ALK: variants seen among roughly 807,000 people sequenced by gnomAD.
ALK encodes ALK receptor tyrosine kinase.
ALK carries 74 observed loss-of-function variants against 163.1 expected under a neutral mutation model. The ratio of observed to expected loss-of-function variants is 0.45; its 90% CI spans 0.38 to 0.55. The LOEUF (loss-of-function observed/expected upper bound fraction) is 0.55. Ranked by LOEUF, ALK falls within the 20% of genes least tolerant of loss-of-function variation. The probability of loss-of-function intolerance (pLI) is 0.00; values close to 1 mark genes in which losing one functional copy is unlikely to be tolerated. For missense variants in ALK, 2,063 were observed against 2,105.3 expected (o/e 0.98, Z 0.39); for synonymous variants, 960 against 843.2 (o/e 1.14, Z -2.40).
intron 1 of ALK, among the ~76,000 whole-genome samples, chr2:29,819,847 C>G (rs1664998822): frequency 6.6e-6 from 1 of 152,182 alleles, no homozygotes; most frequent in South Asian, 2.1e-4. Context: ...TCCACATTCC[C>G]CAATCCATGA....
chr2:29,836,811 G>A (rs1368251371), intron 1 of ALK, among the ~76,000 whole-genome samples: 2 of 152,208 alleles, frequency 1.3e-5, no homozygotes, highest in Non-Finnish European at 2.9e-5. Context: ...TTAATATGGA[G>A]CTCTTAGGTA....
intron 4 of ALK, among the ~76,000 whole-genome samples, chr2:29,423,925 A>C (rs1296835840): frequency 6.6e-6 from 1 of 152,214 alleles, no homozygotes; most frequent in African/African-American, 2.4e-5. Context: ...TTCTTTGACC[A>C]GCAGACTCCC....
Position 29,275,163 on chromosome 2 carries a change from G to C in ALK, c.1977C>G (p.Asn659Lys), listed in dbSNP as rs780562062. Reference protein sequence around the residue: ...APKSRNLFERNPNKELKPGEN... With the variant: ...APKSRNLFERKPNKELKPGEN... ...CCCCGGGTTTCAGCTCCTTGTTTGG[G>C]TTTCTCTCAAACAGGTTTCTTGATT... Residue 659 changes from asparagine to lysine, a missense_variant, in exon 11 of 29, where the codon AAC (asparagine) becomes AAG (lysine). By Grantham distance (94) the Asn-to-Lys change is moderately conservative. Transcript: ENST00000389048. The C allele has an allele frequency of 9.3e-6, 15 of 1,614,022 alleles. No homozygotes were observed. The highest frequency in any genetic ancestry group is 1.2e-5 in the Non-Finnish European group (14 of 1,180,026).
chr2:29,330,271 C>T (rs995803815), intron 5 of ALK, among the ~76,000 whole-genome samples: 1 of 152,128 alleles, frequency 6.6e-6, no homozygotes, highest in African/African-American at 2.4e-5. Context: ...TCCCAGAGGG[C>T]GATGAACATG....
chr2:29,739,749 T>A (rs913383266), intron 1 of ALK, among the ~76,000 whole-genome samples: 1 of 152,108 alleles, frequency 6.6e-6, no homozygotes, highest in Non-Finnish European at 1.5e-5. Context: ...AAAGATTTTA[T>A]GAGATGTGTA....
intron 1 of ALK, among the ~76,000 whole-genome samples, chr2:29,910,552 T>C (rs1211846911): frequency 3.3e-5 from 5 of 152,202 alleles, no homozygotes; most frequent in African/African-American, 1.2e-4. Flanking sequence ...ACATCATTAA[T>C]CAAATTTCTA....
chr2:29,403,239 A>T (rs1669493163), intron 4 of ALK, among the ~76,000 whole-genome samples: 1 of 152,212 alleles, frequency 6.6e-6, no homozygotes, highest in Non-Finnish European at 1.5e-5. Context: ...GCCAAAGGCC[A>T]AAGCGGAATC....
chr2:29,653,506 C>A (rs183602477), intron 3 of ALK, among the ~76,000 whole-genome samples: 2 of 152,006 alleles, frequency 1.3e-5, no homozygotes, highest in African/African-American at 4.8e-5. Context: ...CTCTTGCTTA[C>A]CTAACTTAAC....
intron 4 of ALK, among the ~76,000 whole-genome samples, chr2:29,505,401 G>A (rs763966350): frequency 1.3e-5 from 2 of 152,182 alleles, no homozygotes; most frequent in African/African-American, 2.4e-5. Flanking sequence ...CCTGTTACAA[G>A]AGAAGTTCAA....
In ALK at chr2:29,660,680, A is replaced by AG. The variant is rs1553342633; in HGVS notation, c.952+34169dup. Among the ~76,000 whole-genome samples the AG allele has an allele frequency of 8.6e-3, 1,019 of 118,860 alleles. 13 individuals are homozygous for AG. In the South Asian group the frequency reaches 0.094, roughly 11 times the overall value. The allele number at this position is 118,860 out of a possible 152,430, so 78.0% of individuals were successfully genotyped here. A position where few individuals can be genotyped will look rare whatever the true frequency, so the allele number is the denominator to read the frequency against. ...GAAACGGCCCAGGGAGAGGGGAGAA[A>AG]GGGGGAAAAAGGGGTGGTCAGAAGA... On this transcript the variant is annotated intron_variant, in intron 3 of 28. Transcript: ENST00000389048.
At chr2:29,605,662 C>T (rs1020476079) in intron 3 of ALK, among the ~76,000 whole-genome samples, 3 of 152,166 alleles carry the variant, frequency 2.0e-5, no homozygotes, top group Non-Finnish European at 4.4e-5. Context: ...GAAGAAGGCC[C>T]TCACCAGAAA....
At chr2:29,220,975 T>G (rs1004525773) in intron 22 of ALK, 140 bp from the exon 23 acceptor site, 1 of 1,239,092 alleles carries the variant, frequency 8.1e-7, no homozygotes, top group Non-Finnish European at 1.2e-6. Flanking sequence ...GCAGCAGGGG[T>G]CCCGGGCTGA....
At chr2:29,251,327 C>T (rs1396754769) in intron 11 of ALK, 60 bp from the exon 12 acceptor site, 13 of 1,546,086 alleles carry the variant, frequency 8.4e-6, no homozygotes, top group Admixed American at 7.4e-5. Flanking sequence ...CTCCAGGGGC[C>T]TCCCTGGGTG....
In ALK at chr2:29,752,411, G is replaced by A. The variant is rs1411229619; in HGVS notation, c.668-34714C>T. The stretch of plus-strand genomic sequence containing the variant: ...GTCGCCCAGGCTGGAGTGCAGTGGC[G>A]CGATCTCGACTCACTGCAAGCTCCG... On this transcript the variant is annotated intron_variant, in intron 1 of 28. Transcript: ENST00000389048. 2.1e-4 allele frequency among the ~76,000 whole-genome samples: 31 copies of A among 145,880 alleles called. No individual in the cohort carries two copies. In the South Asian group the frequency reaches 2.7e-3, roughly 13 times the overall value.
chr2:29,678,308 ATCTT>A (rs1408221412), intron 3 of ALK, among the ~76,000 whole-genome samples: 10 of 151,700 alleles, frequency 6.6e-5, no homozygotes, highest in African/African-American at 1.7e-4. Flanking sequence ...TTTCTACTCA[ATCTT>A]TATTTCCTTT....
At chr2:29,831,514 C>T (rs1326006999) in intron 1 of ALK, among the ~76,000 whole-genome samples, 2 of 152,092 alleles carry the variant, frequency 1.3e-5, no homozygotes, top group Admixed American at 6.5e-5. Flanking sequence ...CCTGTTTTTA[C>T]TGTGTGTGCT....
chr2:29,839,203 TGAG>T (rs1364991804), intron 1 of ALK, among the ~76,000 whole-genome samples: 4 of 152,190 alleles, frequency 2.6e-5, no homozygotes, highest in Admixed American at 6.5e-5. Flanking sequence ...AATGTGTTTT[TGAG>T]GAGATGGCTG....
chr2:29,841,023 G>A (rs576060578), intron 1 of ALK, among the ~76,000 whole-genome samples: 22 of 152,186 alleles, frequency 1.4e-4, no homozygotes, highest in African/African-American at 2.4e-4. Flanking sequence ...ATTACTCTAA[G>A]AATCATTTTG....
At chr2:29,376,503 T>G (rs1668756313) in intron 5 of ALK, among the ~76,000 whole-genome samples, 1 of 152,206 alleles carries the variant, frequency 6.6e-6, no homozygotes, top group Admixed American at 6.5e-5. Context: ...AAACAACTAT[T>G]TTATATTAAT....
Sources: allele counts gnomAD v4.1 joint callset (sites outside exome capture counted in the v4.1 genomes callset), GRCh38; gene constraint gnomAD v4.1.1; transcripts MANE v1.5; gene names NCBI Gene and HGNC (gene_info 2026-07-23, HGNC 2026-07-21).